Variants in MEGF11 observed in about 807,000 individuals in gnomAD.
MEGF11 encodes the protein multiple epidermal growth factor-like domains protein 11.
In MEGF11, 126 loss-of-function variants were observed where a neutral mutation model predicts 146.6. The ratio of observed to expected loss-of-function variants is 0.86; its 90% CI spans 0.74 to 1.00. MEGF11 has a LOEUF of 1.00. Ranked by LOEUF, MEGF11 falls within the 50% of genes least tolerant of loss-of-function variation. MEGF11 has a pLI of 0.00. For missense variants in MEGF11, 1,509 were observed against 1,521.2 expected (o/e 0.99, Z 0.13); for synonymous variants, 532 against 583.4 (o/e 0.91, Z 1.27).
intron 1 of MEGF11, among the ~76,000 whole-genome samples, chr15:66,191,080 C>G (rs1217476042): frequency 6.6e-6 from 1 of 152,090 alleles, no homozygotes; most frequent in African/African-American, 2.4e-5. Context: ...AAGTTTCTCC[C>G]CCGATATCAG....
chr15:65,953,789 C>T (rs1480894842), intron 10 of MEGF11, among the ~76,000 whole-genome samples: 3 of 151,878 alleles, frequency 2.0e-5, no homozygotes, highest in Non-Finnish European at 2.9e-5. Context: ...GCTTCTGCCC[C>T]GTGTCCCTGT....
At chr15:66,203,051 C>T (rs528484181) in intron 1 of MEGF11, among the ~76,000 whole-genome samples, 2 of 152,168 alleles carry the variant, frequency 1.3e-5, no homozygotes, top group African/African-American at 2.4e-5. Flanking sequence ...CTCAGTTCAC[C>T]GTCCGAGGAG....
In MEGF11 at chr15:66,204,361, T is replaced by G. The variant is rs571227378; in HGVS notation, c.-9+49244A>C. ...CAGAGGTTTCAGTGGGCCGAGATTG[T>G]GCCACTGTACTCCGACCTGGATGAC... On this transcript the variant is annotated intron_variant, in intron 1 of 25. Transcript: ENST00000395614. 2.8e-4 allele frequency among the ~76,000 whole-genome samples: 43 copies of G among 152,140 alleles called. 1 individual carries two copies. Among genetic ancestry groups the G allele is most frequent in the African/African-American group, 7.5e-4 (31 of 41,494 alleles).
At chr15:65,953,287 G>A (rs1171410818) in intron 10 of MEGF11, among the ~76,000 whole-genome samples, 1 of 152,208 alleles carries the variant, frequency 6.6e-6, no homozygotes, top group Non-Finnish European at 1.5e-5. Context: ...GAAGTTCCAT[G>A]TCAGGCAGGA....
chr15:65,903,746 G>C (rs1490637872), intron 24 of MEGF11, among the ~76,000 whole-genome samples: 8 of 152,206 alleles, frequency 5.3e-5, no homozygotes, highest in African/African-American at 1.9e-4. Context: ...TGCTAGACTA[G>C]CTTATTAAGT....
intron 5 of MEGF11, among the ~76,000 whole-genome samples, chr15:66,084,413 G>A (rs1283865577): frequency 6.6e-6 from 1 of 152,130 alleles, no homozygotes; most frequent in Non-Finnish European, 1.5e-5. Context: ...GCAATCCCGA[G>A]AGGAACCACA....
At chr15:66,252,549 A>G (rs1034887328) in intron 1 of MEGF11, among the ~76,000 whole-genome samples, 15 of 152,016 alleles carry the variant, frequency 9.9e-5, no homozygotes, top group Non-Finnish European at 1.6e-4. Flanking sequence ...CGCTGGATGG[A>G]GCCCGCGAGT....
chr15:66,186,032 G>A (rs1435254820), intron 1 of MEGF11, among the ~76,000 whole-genome samples: 1 of 152,126 alleles, frequency 6.6e-6, no homozygotes, highest in African/African-American at 2.4e-5. Context: ...GGGAGAGGTG[G>A]GGGCAGCCCC....
In MEGF11 at chr15:66,123,530, T is replaced by C. The variant is rs188076802; in HGVS notation, c.200+369A>G. Among the ~76,000 whole-genome samples, 9 of 152,312 alleles carry C rather than the reference T, an allele frequency of 5.9e-5. No homozygotes were observed. The East Asian group carries it at 1.7e-3, about 29-fold the overall frequency. Reference sequence around the variant, plus strand: ...AAGGCAGCCAATCTATGGTATATTATTGAGCAGGTTACTTCTACGGCAACT... The same window carrying C: ...AAGGCAGCCAATCTATGGTATATTACTGAGCAGGTTACTTCTACGGCAACT... On this transcript the variant is annotated intron_variant, in intron 3 of 25. Transcript: ENST00000395614.
chr15:66,096,188 A>C (rs2086545400), intron 4 of MEGF11, among the ~76,000 whole-genome samples: 1 of 152,130 alleles, frequency 6.6e-6, no homozygotes, highest in African/African-American at 2.4e-5. Flanking sequence ...CATGCTCCAC[A>C]GCTGGGCTCA....
At chr15:66,040,624 C>T (rs1380257234) in intron 5 of MEGF11, among the ~76,000 whole-genome samples, 1 of 152,116 alleles carries the variant, frequency 6.6e-6, no homozygotes, top group East Asian at 1.9e-4. Context: ...TATGTGGGCA[C>T]AGAGGTGGCA....
At position 66,237,364 on chromosome 15, in the gene MEGF11, C is replaced by G. The variant is rs376899888; in HGVS notation, c.-9+16241G>C. Among the ~76,000 whole-genome samples, 7 of 152,282 alleles carry G rather than the reference C, an allele frequency of 4.6e-5. No homozygotes were observed. In the East Asian group the frequency reaches 1.3e-3, roughly 29 times the overall value. Reference sequence around the variant, plus strand: ...GACCACCTAGCTGCCAAAACAATACCCTTAAAATTGATGGTCTCACCATTT... The same window carrying G: ...GACCACCTAGCTGCCAAAACAATACGCTTAAAATTGATGGTCTCACCATTT... On this transcript the variant is annotated intron_variant, in intron 1 of 25. Coordinates refer to ENST00000395614, the MANE Select transcript of MEGF11 (RefSeq NM_001385028.1).
At chr15:65,916,539 CT>C (rs1291660696) in intron 17 of MEGF11, 1 of 654,970 alleles carries the variant, frequency 1.5e-6, no homozygotes. Context: ...CAGGCTGCTC[CT>C]CCCCACTCTG....
intron 1 of MEGF11, among the ~76,000 whole-genome samples, chr15:66,130,679 G>GA (rs1408617278): frequency 5.7e-5 from 7 of 122,774 alleles, no homozygotes; most frequent in African/African-American, 1.5e-4. Context: ...GAAGGAAAAG[G>GA]AAAGGAAAGG....
At chr15:65,929,114 A>G (rs1187368994) in intron 12 of MEGF11, among the ~76,000 whole-genome samples, 1 of 152,210 alleles carries the variant, frequency 6.6e-6, no homozygotes, top group African/African-American at 2.4e-5. Context: ...AAGGTAACAA[A>G]GGATGTGACA....
chr15:65,982,255 A>C lies in MEGF11; in HGVS notation c.628T>G (p.Tyr210Asp), dbSNP rs2081671687. ...CGCATGACTCACTAGACGCCGGTGT[A>C]GCCAGGTGCGCAGAGGCACTCGCCG... ...RAGECLCAPG[Y>D]TGVYCEELCP... Residue 210 changes from tyrosine to aspartate, a missense_variant, in exon 6 of 26, where the codon TAC (tyrosine) becomes GAC (aspartate). By Grantham distance (160) the Tyr-to-Asp change is radical. Transcript: ENST00000395614. The surrounding 1 kb of genome is among the most constrained non-coding windows in gnomAD (Gnocchi z 5.6). 6.6e-7 allele frequency: 1 copy of C among 1,505,160 alleles called. No individual in the cohort carries two copies. The highest frequency in any genetic ancestry group is 8.9e-7 in the Non-Finnish European group (1 of 1,123,588). 93.2% of individuals were successfully genotyped at this position (1,505,160 alleles called of 1,614,324 possible).
At chr15:66,210,792 T>A (rs2091426606) in intron 1 of MEGF11, among the ~76,000 whole-genome samples, 1 of 152,122 alleles carries the variant, frequency 6.6e-6, no homozygotes, top group Non-Finnish European at 1.5e-5. Context: ...GGAAGCACAT[T>A]AGAATGAAAG....
intron 7 of MEGF11, among the ~76,000 whole-genome samples, chr15:65,973,507 C>A (rs333563): frequency 0.62 from 94,115 of 152,046 alleles, 29,638 homozygotes; most frequent in Non-Finnish European, 0.68. Flanking sequence ...GTAGTCCCTG[C>A]TACTCAGGAG....
intron 5 of MEGF11, among the ~76,000 whole-genome samples, chr15:66,028,791 A>G (rs929287553): frequency 1.3e-5 from 2 of 152,354 alleles, no homozygotes; most frequent in South Asian, 4.1e-4. Flanking sequence ...TTAGAATGTA[A>G]AATTATATGT....
Sources: allele counts gnomAD v4.1 joint callset (sites outside exome capture counted in the v4.1 genomes callset), GRCh38; gene constraint gnomAD v4.1.1; non-coding constraint Gnocchi (gnomAD v3.1); transcripts MANE v1.5; gene names NCBI Gene and HGNC (gene_info 2026-07-23, HGNC 2026-07-21).